Variants in ARHGEF6 observed in about 807,000 individuals in gnomAD.
ARHGEF6 encodes the protein Rac/Cdc42 guanine nucleotide exchange factor 6.
Under a neutral mutation model 70.3 loss-of-function variants are expected in ARHGEF6, and 9 were observed. The ratio of observed to expected loss-of-function variants is 0.13; its 90% CI spans 0.08 to 0.22. The LOEUF is 0.22. ARHGEF6 is among the 10% of genes least tolerant of loss of function. The pLI is 1.00. For synonymous variants in ARHGEF6, 201 were observed against 207.8 expected (o/e 0.97, Z 0.28); for missense variants, 470 against 563.0 (o/e 0.83, Z 1.67).
intron 6 of ARHGEF6, among the ~76,000 whole-genome samples, chrX:136,713,589 T>A (rs2076709019): frequency 8.9e-6 from 1 of 112,134 alleles, no homozygotes; most frequent in Non-Finnish European, 1.9e-5. Flanking sequence ...TTCATATGAA[T>A]ACAATTTTTC....
intron 6 of ARHGEF6, among the ~76,000 whole-genome samples, chrX:136,722,602 A>T (rs1206154549): frequency 8.9e-6 from 1 of 112,155 alleles, no homozygotes; most frequent in Non-Finnish European, 1.9e-5. Context: ...CTACAATTAG[A>T]TACTACTTGA....
intron 9 of ARHGEF6, among the ~76,000 whole-genome samples, chrX:136,701,070 A>G (rs997690517): frequency 3.6e-5 from 4 of 112,105 alleles, no homozygotes; most frequent in South Asian, 3.7e-4. Flanking sequence ...GAAATTTCCT[A>G]AACTTAAATG....
At chrX:136,677,891 G>A (rs1224668191) in intron 17 of ARHGEF6, 45 bp downstream of exon 17, 2 of 1,090,660 alleles carry the variant, frequency 1.8e-6, no homozygotes, top group South Asian at 1.9e-5. Flanking sequence ...TTACAGTACA[G>A]CATTATGATG....
chrX:136,747,173 T>C (rs1405776765), intron 3 of ARHGEF6, among the ~76,000 whole-genome samples: 1 of 111,429 alleles, frequency 9.0e-6, no homozygotes, highest in South Asian at 3.7e-4. Context: ...AAGTGACGGC[T>C]GTATTTTGTA....
chrX:136,668,146 G>A lies in ARHGEF6; in HGVS notation c.2214C>T (p.Cys738=). ...TTCTTGATTTCAGTTCTTCTTCCAG[G>A]CATTGCTTCATTCTTTTATTTTCCT... ...LKQENKRMKQ[C]LEEELKSRRD... The change falls in exon 22 of 22, where the codon TGC becomes TGT. Residue 738 remains cysteine (C), a synonymous_variant. Transcript: ENST00000250617. 1 of 1,211,276 alleles carries A rather than the reference G, an allele frequency of 8.3e-7. No individual in the cohort carries two copies. Among genetic ancestry groups the A allele is most frequent in the Non-Finnish European group, 1.1e-6 (1 of 895,322 alleles).
intron 6 of ARHGEF6, among the ~76,000 whole-genome samples, chrX:136,718,439 A>T (rs1658803960): frequency 9.1e-6 from 1 of 110,493 alleles, no homozygotes; most frequent in South Asian, 3.8e-4. Flanking sequence ...AATCAATAAT[A>T]AAAAAAAATT....
chrX:136,737,530 C>T, intron 5 of ARHGEF6: 10 of 740,697 alleles, frequency 1.4e-5, no homozygotes, highest in Non-Finnish European at 1.6e-5. Flanking sequence ...ACAAATTTTC[C>T]TAAGCTTATA....
Position 136,736,053 on chromosome X carries a change from T to C in ARHGEF6, c.662-3881A>G, listed in dbSNP as rs780733935. Among the ~76,000 whole-genome samples the C allele has an allele frequency of 8.0e-5, 9 of 112,432 alleles. No homozygotes were observed. The South Asian group carries it at 1.8e-3, about 23-fold the overall frequency. ...GAGAAAATAGAATTTGTTTAAAATATCTGCTCAATCACACTTGCATCAATA... is the reference window on the plus strand; with the variant it reads ...GAGAAAATAGAATTTGTTTAAAATACCTGCTCAATCACACTTGCATCAATA... On this transcript the variant is annotated intron_variant, in intron 5 of 21. Coordinates refer to ENST00000250617, the MANE Select transcript of ARHGEF6 (RefSeq NM_004840.3).
chrX:136,700,606 C>A (rs753386235), intron 9 of ARHGEF6, among the ~76,000 whole-genome samples: 7 of 111,937 alleles, frequency 6.3e-5, no homozygotes, highest in Non-Finnish European at 1.1e-4. Context: ...GCCCCTCATA[C>A]TTACAGCTAC....
At chrX:136,744,453 G>A (rs1405146597) in intron 4 of ARHGEF6, among the ~76,000 whole-genome samples, 1 of 111,530 alleles carries the variant, frequency 9.0e-6, no homozygotes, top group Non-Finnish European at 1.9e-5. Flanking sequence ...AATCTGATGA[G>A]CACAACATAT....
intron 6 of ARHGEF6, among the ~76,000 whole-genome samples, chrX:136,727,125 T>G (rs778768627): frequency 9.0e-6 from 1 of 111,724 alleles, no homozygotes; most frequent in South Asian, 3.7e-4. Flanking sequence ...TCCTACATCC[T>G]CCATTCAACC....
chrX:136,743,985 G>A (rs2077070328), intron 4 of ARHGEF6, among the ~76,000 whole-genome samples, 199 bp from the exon 5 acceptor site: 1 of 111,736 alleles, frequency 8.9e-6, no homozygotes, highest in Non-Finnish European at 1.9e-5. Context: ...TGTAAACTTT[G>A]GCATTTGTGA....
At chrX:136,745,126 C>T (rs924887535) in intron 4 of ARHGEF6, 97 bp downstream of exon 4, 4 of 1,102,283 alleles carry the variant, frequency 3.6e-6, no homozygotes, top group Non-Finnish European at 5.0e-6. Context: ...CCCAAAACAA[C>T]CCGGATGGCT....
intron 9 of ARHGEF6, among the ~76,000 whole-genome samples, chrX:136,703,431 G>C (rs963073634): frequency 4.4e-5 from 5 of 112,457 alleles, no homozygotes; most frequent in Admixed American, 3.8e-4. Context: ...ACCGTGTGTT[G>C]AGCAAGTCTA....
intron 9 of ARHGEF6, among the ~76,000 whole-genome samples, chrX:136,702,428 C>T (rs189516115): frequency 6.2e-5 from 7 of 112,092 alleles, no homozygotes; most frequent in Admixed American, 2.8e-4. Context: ...TTTCTAAATA[C>T]GCCAATTAAA....
intron 2 of ARHGEF6, among the ~76,000 whole-genome samples, chrX:136,763,581 T>C (rs2077284216): frequency 8.9e-6 from 1 of 112,178 alleles, no homozygotes; most frequent in South Asian, 3.7e-4. Flanking sequence ...TCCTAGCAGT[T>C]TGGGAAGCCA....
At chrX:136,744,023 C>A (rs1292627089) in intron 4 of ARHGEF6, among the ~76,000 whole-genome samples, 1 of 111,538 alleles carries the variant, frequency 9.0e-6, no homozygotes, top group East Asian at 2.8e-4. Flanking sequence ...TGGGTCATAG[C>A]TTTCATTTTT....
intron 19 of ARHGEF6, 85 bp downstream of exon 19, chrX:136,674,922 G>A (rs754782500): frequency 2.3e-6 from 2 of 884,794 alleles, no homozygotes; most frequent in African/African-American, 2.0e-5. Context: ...CAACCCATCC[G>A]GGTTGCTTTT....
chrX:136,686,599 T>TATATATATATATATATATATACAC (rs2076391759), intron 11 of ARHGEF6, among the ~76,000 whole-genome samples: 8 of 71,649 alleles, frequency 1.1e-4, no homozygotes, highest in Non-Finnish European at 1.9e-4. Flanking sequence ...TGTGTGTATA[T>TATATATATATATATATATATACAC]ATATATATAT....
Sources: gnomAD v4.1 joint callset for allele counts (sites outside exome capture counted in the v4.1 genomes callset) on GRCh38, gnomAD v4.1.1 for gene constraint, MANE v1.5 for transcripts, NCBI Gene and HGNC (gene_info 2026-07-23, HGNC 2026-07-21) for gene names.